ZNF365: variants seen among roughly 807,000 people sequenced by gnomAD.
ZNF365 encodes the protein zinc finger protein 365.
ZNF365 carries 22 observed loss-of-function variants against 35.0 expected under a neutral mutation model. The observed-to-expected ratio is 0.63, with a 90% CI of 0.45 to 0.90. The LOEUF is 0.90. Ranked by LOEUF, ZNF365 falls within the 40% of genes least tolerant of loss-of-function variation. The probability of loss-of-function intolerance (pLI) is 0.00; values close to 1 mark genes in which losing one functional copy is unlikely to be tolerated. For missense variants in ZNF365, 448 were observed against 500.3 expected, an observed-to-expected ratio of 0.90 and a Z score of 1.00; for synonymous variants, 188 against 196.2, an observed-to-expected ratio of 0.96 and a Z score of 0.35.
chr10:62,458,789 T>C lies in ZNF365; in HGVS notation c.925-952T>C, dbSNP rs951199359. Among the ~76,000 whole-genome samples the C allele has an allele frequency of 2.6e-5, 4 of 152,190 alleles. No homozygotes were observed. In the South Asian group the frequency reaches 8.3e-4, roughly 31 times the overall value. ...ATACGATCTGTTACACAGAAATCTGTTTAAGTTGTACTTAAAAACAAGAAA... is the reference window on the plus strand; with the variant it reads ...ATACGATCTGTTACACAGAAATCTGCTTAAGTTGTACTTAAAAACAAGAAA... On this transcript the variant is annotated intron_variant, in intron 3 of 4. Coordinates refer to the ZNF365 transcript ENST00000395255.
At chr10:62,447,631 C>T (rs1411249391) in intron 3 of ZNF365, among the ~76,000 whole-genome samples, 4 of 152,216 alleles carry the variant, frequency 2.6e-5, no homozygotes, top group Non-Finnish European at 4.4e-5. Context: ...GTTCTGAAGA[C>T]GGTCAAAGAG....
At chr10:62,410,031 T>C (rs536982648) in intron 3 of ZNF365, among the ~76,000 whole-genome samples, 3 of 152,286 alleles carry the variant, frequency 2.0e-5, no homozygotes, top group Non-Finnish European at 2.9e-5. Flanking sequence ...ACAGAATCCC[T>C]GACTTAGTCA....
chr10:62,412,376 C>T (rs909891333), intron 3 of ZNF365, among the ~76,000 whole-genome samples: 27 of 152,068 alleles, frequency 1.8e-4, no homozygotes, highest in Admixed American at 1.5e-3. Flanking sequence ...AAAACCAGCA[C>T]AAGGCAAGTC....
At chr10:62,390,230 GT>G (rs1564570517) in intron 3 of ZNF365, among the ~76,000 whole-genome samples, 1 of 152,192 alleles carries the variant, frequency 6.6e-6, no homozygotes, top group Non-Finnish European at 1.5e-5. Flanking sequence ...TTTCCAGGTT[GT>G]TTTGGCCTCT....
At position 62,402,026 on chromosome 10, in the gene ZNF365, T is replaced by G. The variant is rs898087762; in HGVS notation, c.*2237T>G. On this transcript the variant is annotated 3_prime_UTR_variant, in exon 5 of 5. Transcript: ENST00000395254. ...TAGTGTCAAAACATGGGAGATGGCT[T>G]ACTCAGAAGCATACTCCACTTAACA... 9 of 985,574 alleles carry G rather than the reference T, an allele frequency of 9.1e-6. No homozygotes were observed. The highest frequency in any genetic ancestry group is 7.0e-5 in the African/African-American group (4 of 57,248). 61.1% of individuals were successfully genotyped at this position (985,574 alleles called of 1,614,324 possible).
chr10:62,387,155 G>A (rs1428678406), intron 2 of ZNF365, among the ~76,000 whole-genome samples: 2 of 152,164 alleles, frequency 1.3e-5, no homozygotes, highest in African/African-American at 2.4e-5. Flanking sequence ...CTTATTAAGT[G>A]AAGACAATAG....
chr10:62,454,352 G>A (rs1439214677), intron 3 of ZNF365, among the ~76,000 whole-genome samples: 1 of 152,162 alleles, frequency 6.6e-6, no homozygotes, highest in African/African-American at 2.4e-5. Flanking sequence ...GAATCCTGGG[G>A]CACTATGGTG....
chr10:62,387,650 G>A (rs1440693750), intron 2 of ZNF365, among the ~76,000 whole-genome samples: 1 of 152,128 alleles, frequency 6.6e-6, no homozygotes, highest in African/African-American at 2.4e-5. Context: ...GTCAGCATTA[G>A]AATAGTTTTC....
At chr10:62,450,525 C>G (rs188449363) in intron 3 of ZNF365, among the ~76,000 whole-genome samples, 52 of 152,262 alleles carry the variant, frequency 3.4e-4, no homozygotes, top group African/African-American at 1.1e-3. Flanking sequence ...TTACACTGAA[C>G]TCAGCAAGTT....
chr10:62,479,772 T>G, intron 4 of ZNF365: 1 of 790,174 alleles, frequency 1.3e-6, no homozygotes. Flanking sequence ...GTACAATTGT[T>G]TGCCAGGACC....
intron 2 of ZNF365, among the ~76,000 whole-genome samples, chr10:62,382,944 C>T (rs1008821961): frequency 2.6e-5 from 4 of 152,170 alleles, no homozygotes; most frequent in South Asian, 4.1e-4. Flanking sequence ...GGTAGAGCTT[C>T]GCCTTTGGGA....
chr10:62,472,535 G>A (rs959290062), intron 4 of ZNF365, among the ~76,000 whole-genome samples: 1 of 152,180 alleles, frequency 6.6e-6, no homozygotes, highest in Non-Finnish European at 1.5e-5. Flanking sequence ...TTATATACAA[G>A]CCAAGGAACA....
At chr10:62,459,655 A>G in intron 3 of ZNF365, 2 of 1,418,804 alleles carry the variant, frequency 1.4e-6, no homozygotes, top group South Asian at 1.3e-5. Context: ...TGAATGGAAC[A>G]TGGCACTGCT....
downstream of ZNF365, among the ~76,000 whole-genome samples, chr10:62,403,003 T>C (rs75311718): frequency 0.01 from 1,564 of 152,306 alleles, 18 homozygotes; most frequent in African/African-American, 0.026. Flanking sequence ...CAGTTGACCC[T>C]TGAACAGTGC....
Position 62,401,766 on chromosome 10 carries a change from A to G in ZNF365, c.*1977A>G. On this transcript the variant is annotated 3_prime_UTR_variant, in exon 5 of 5. Transcript: ENST00000395254. The stretch of plus-strand genomic sequence containing the variant: ...TGACAACTTGTTTCTGTTTTATTTA[A>G]AGTAACTGACATTTTGGATTTTCAT... 1.0e-6 allele frequency: 1 copy of G among 985,466 alleles called. No homozygotes were observed. The highest frequency in any genetic ancestry group is 1.2e-6 in the Non-Finnish European group (1 of 829,902). 61.0% of individuals were successfully genotyped at this position (985,466 alleles called of 1,614,324 possible).
chr10:62,478,200 C>T (rs1172534788), intron 4 of ZNF365, among the ~76,000 whole-genome samples: 1 of 152,170 alleles, frequency 6.6e-6, no homozygotes, highest in Non-Finnish European at 1.5e-5. Context: ...CCATCTGCCT[C>T]TCACATACCC....
Position 62,402,239 on chromosome 10 carries a change from G to A in ZNF365, c.*2450G>A. Reference sequence around the variant, plus strand: ...TTAATTTTATTTGTCTTGTAGGGAAGAAATCTTCCTTTGAACCGCTTTTCT... The same window carrying A: ...TTAATTTTATTTGTCTTGTAGGGAAAAAATCTTCCTTTGAACCGCTTTTCT... On this transcript the variant is annotated 3_prime_UTR_variant, in exon 5 of 5. Coordinates refer to ENST00000395254, the MANE Select transcript of ZNF365 (RefSeq NM_014951.3). 1 of 985,888 alleles carries A rather than the reference G, an allele frequency of 1.0e-6. No individual in the cohort carries two copies. Among genetic ancestry groups the A allele is most frequent in the East Asian group, 1.1e-4 (1 of 8,956 alleles). 61.1% of individuals were successfully genotyped at this position (985,888 alleles called of 1,614,324 possible).
chr10:62,432,553 C>T (rs1840350008), intron 3 of ZNF365, among the ~76,000 whole-genome samples: 1 of 152,136 alleles, frequency 6.6e-6, no homozygotes, highest in African/African-American at 2.4e-5. Context: ...TGACCATTGA[C>T]ATTTCCTGGG....
chr10:62,397,509 G>A (rs966008038), intron 3 of ZNF365, among the ~76,000 whole-genome samples: 1 of 152,170 alleles, frequency 6.6e-6, no homozygotes, highest in Admixed American at 6.5e-5. Flanking sequence ...AAAACTACAT[G>A]AGGAAGATCA....
Sources: gnomAD v4.1 joint callset for allele counts (sites outside exome capture counted in the v4.1 genomes callset) on GRCh38, gnomAD v4.1.1 for gene constraint, MANE v1.5 for transcripts, NCBI Gene and HGNC (gene_info 2026-07-23, HGNC 2026-07-21) for gene names.